SHISA6: variants seen among roughly 807,000 people sequenced by gnomAD.
The protein encoded by SHISA6 is shisa family member 6.
Under a neutral mutation model 47.9 loss-of-function variants are expected in SHISA6, and 22 were observed. The observed-to-expected ratio is 0.46, with a 90% CI of 0.33 to 0.66. The LOEUF is 0.66. Among genes scored for constraint, SHISA6 ranks in the 30% least tolerant of loss-of-function variants. The probability of loss-of-function intolerance (pLI) is 0.02; values close to 1 mark genes in which losing one functional copy is unlikely to be tolerated. For synonymous variants in SHISA6, 388 were observed against 337.8 expected (o/e 1.15, Z -1.63); for missense variants, 680 against 764.6 (o/e 0.89, Z 1.30).
At chr17:11,245,417 C>T (rs183968247) in intron 1 of SHISA6, among the ~76,000 whole-genome samples, 37 of 152,340 alleles carry the variant, frequency 2.4e-4, no homozygotes, top group African/African-American at 8.4e-4. Flanking sequence ...CACAGCTCCC[C>T]TGAGGGGCTT....
intron 3 of SHISA6, among the ~76,000 whole-genome samples, chr17:11,454,063 ATCCGTGTTGG>A (rs1247711203): frequency 6.6e-6 from 1 of 152,186 alleles, no homozygotes; most frequent in Non-Finnish European, 1.5e-5. Context: ...TAAATCAGTA[ATCCGTGTTGG>A]CTTATATAAA....
intron 3 of SHISA6, among the ~76,000 whole-genome samples, chr17:11,491,742 T>C (rs911204134): frequency 6.6e-6 from 1 of 151,500 alleles, no homozygotes; most frequent in Non-Finnish European, 1.5e-5. Flanking sequence ...TCCAGTGTGT[T>C]GTGTACTGAA....
At chr17:11,455,010 A>C (rs1471772590) in intron 3 of SHISA6, among the ~76,000 whole-genome samples, 1 of 146,000 alleles carries the variant, frequency 6.8e-6, no homozygotes, top group South Asian at 2.1e-4. Flanking sequence ...TCTACTAAAA[A>C]TACAAAAAAA....
intron 3 of SHISA6, among the ~76,000 whole-genome samples, chr17:11,547,207 T>C (rs1301269262): frequency 4.6e-5 from 7 of 152,210 alleles, no homozygotes; most frequent in African/African-American, 7.2e-5. Context: ...ATAGATATAA[T>C]AGGAACCTGC....
At chr17:11,255,408 T>C (rs1907969746) in intron 1 of SHISA6, among the ~76,000 whole-genome samples, 1 of 152,202 alleles carries the variant, frequency 6.6e-6, no homozygotes, top group Admixed American at 6.5e-5. Context: ...ACTGAATCTT[T>C]TACAGAACGT....
intron 2 of SHISA6, among the ~76,000 whole-genome samples, chr17:11,274,464 A>C (rs1277716660): frequency 6.6e-6 from 1 of 152,232 alleles, no homozygotes; most frequent in African/African-American, 2.4e-5. Flanking sequence ...GGCCCTGAGC[A>C]GCAGGAAGTG....
chr17:11,549,444 A>G (rs995238714), intron 3 of SHISA6, among the ~76,000 whole-genome samples: 1 of 152,210 alleles, frequency 6.6e-6, no homozygotes, highest in Admixed American at 6.5e-5. Context: ...TACAACAAAG[A>G]TTTCAATTAA....
intron 2 of SHISA6, among the ~76,000 whole-genome samples, chr17:11,293,239 C>T (rs919064684): frequency 5.3e-5 from 8 of 151,836 alleles, no homozygotes; most frequent in South Asian, 2.1e-4. Context: ...AGCTTTTTTT[C>T]GCAGGTCAGT....
intron 2 of SHISA6, among the ~76,000 whole-genome samples, chr17:11,367,696 G>C (rs1039026081): frequency 3.3e-5 from 5 of 152,092 alleles, no homozygotes; most frequent in Non-Finnish European, 7.4e-5. Context: ...CACCACTGGC[G>C]GTTTTGCTGA....
chr17:11,504,974 G>A (rs1029799186), intron 3 of SHISA6, among the ~76,000 whole-genome samples: 1 of 152,280 alleles, frequency 6.6e-6, no homozygotes, highest in African/African-American at 2.4e-5. Context: ...AGCTGTTCTT[G>A]TCCTCACTGG....
At chr17:11,481,356 GTGTGTGTGTGTATATA>G (rs969071030) in intron 3 of SHISA6, among the ~76,000 whole-genome samples, 10 of 121,184 alleles carry the variant, frequency 8.3e-5, no homozygotes, top group African/African-American at 2.2e-4. Flanking sequence ...GTGTGTGTGT[GTGTGTGTGTGTATATA>G]TATATATATA....
At chr17:11,466,138 C>T (rs17773015) in intron 3 of SHISA6, among the ~76,000 whole-genome samples, 4 of 152,074 alleles carry the variant, frequency 2.6e-5, no homozygotes, top group East Asian at 1.9e-4. Flanking sequence ...ACACACACAC[C>T]GTCCTGGAAG....
intron 3 of SHISA6, among the ~76,000 whole-genome samples, chr17:11,406,112 G>C (rs1249389882): frequency 6.6e-6 from 1 of 152,132 alleles, no homozygotes; most frequent in African/African-American, 2.4e-5. Flanking sequence ...TCAGTTGTTG[G>C]TTAATGGCTT....
At chr17:11,291,916 A>C (rs1247811609) in intron 2 of SHISA6, among the ~76,000 whole-genome samples, 1 of 152,134 alleles carries the variant, frequency 6.6e-6, no homozygotes, top group Non-Finnish European at 1.5e-5. Flanking sequence ...TAACTGATAA[A>C]AATTTTCTAT....
intron 3 of SHISA6, among the ~76,000 whole-genome samples, chr17:11,512,546 TA>T (rs1324809880): frequency 1.3e-5 from 2 of 152,186 alleles, no homozygotes; most frequent in African/African-American, 4.8e-5. Context: ...GAATTTTTTT[TA>T]AACTGAAAAA....
intron 3 of SHISA6, among the ~76,000 whole-genome samples, chr17:11,434,550 T>G (rs1914882213): frequency 6.6e-6 from 1 of 152,212 alleles, no homozygotes. Context: ...AGCATTCCCA[T>G]GTTTCTGAGC....
chr17:11,333,027 A>C (rs979142970), intron 2 of SHISA6, among the ~76,000 whole-genome samples: 1 of 152,174 alleles, frequency 6.6e-6, no homozygotes, highest in East Asian at 1.9e-4. Flanking sequence ...GGTGGCTGCC[A>C]GGGGGTGACC....
chr17:11,284,763 A>G (rs1444149685), intron 2 of SHISA6, among the ~76,000 whole-genome samples: 1 of 152,222 alleles, frequency 6.6e-6, no homozygotes, highest in Admixed American at 6.5e-5. Flanking sequence ...ATAGCACTTT[A>G]TATTTTCACT....
chr17:11,254,432 T>C (rs1467950944), intron 1 of SHISA6, among the ~76,000 whole-genome samples: 1 of 152,246 alleles, frequency 6.6e-6, no homozygotes, highest in Non-Finnish European at 1.5e-5. Flanking sequence ...TTTCCTTGCA[T>C]ACGCCACTCA....
Sources: gnomAD v4.1 joint callset for allele counts (sites outside exome capture counted in the v4.1 genomes callset) on GRCh38, gnomAD v4.1.1 for gene constraint, MANE v1.5 for transcripts, NCBI Gene and HGNC (gene_info 2026-07-23, HGNC 2026-07-21) for gene names.